The following IFT88 variants were observed in gnomAD, a reference collection of about 807,000 sequenced individuals.
IFT88 encodes intraflagellar transport protein 88 homolog.
A neutral mutation model predicts 119.5 loss-of-function variants in IFT88; 74 were observed. That is an observed-to-expected ratio of 0.62 (90% CI 0.51 to 0.75). The LOEUF is 0.75. Among genes scored for constraint, IFT88 ranks in the 30% least tolerant of loss-of-function variants. The pLI, the probability that IFT88 is intolerant of heterozygous loss-of-function variation, is 0.00. For synonymous variants in IFT88, 279 were observed against 316.7 expected, an observed-to-expected ratio of 0.88 and a Z score of 1.26; for missense variants, 961 against 977.7, an observed-to-expected ratio of 0.98 and a Z score of 0.23.
chr13:20,647,454 T>G (rs936868162), intron 20 of IFT88, among the ~76,000 whole-genome samples: 12 of 152,196 alleles, frequency 7.9e-5, no homozygotes, highest in Admixed American at 3.9e-4. Context: ...TATAGTTGAA[T>G]TAAATTAAAT....
At chr13:20,613,051 C>T (rs1184497993) in intron 13 of IFT88, among the ~76,000 whole-genome samples, 2 of 151,944 alleles carry the variant, frequency 1.3e-5, no homozygotes, top group African/African-American at 2.4e-5. Flanking sequence ...AGATATGACA[C>T]CAAAAGCACA....
chr13:20,671,610 T>G (rs1328023405), intron 24 of IFT88, among the ~76,000 whole-genome samples: 2 of 152,248 alleles, frequency 1.3e-5, no homozygotes, highest in Non-Finnish European at 2.9e-5. Context: ...CCTTGTGACA[T>G]CATTACATAA....
chr13:20,685,424 T>C (rs1452526464), intron 24 of IFT88, among the ~76,000 whole-genome samples: 1 of 152,194 alleles, frequency 6.6e-6, no homozygotes, highest in Non-Finnish European at 1.5e-5. Context: ...AACTAACCTA[T>C]AAAATTAGCA....
chr13:20,586,186 A>T (rs928429715), intron 3 of IFT88, among the ~76,000 whole-genome samples: 2 of 152,226 alleles, frequency 1.3e-5, no homozygotes, highest in Admixed American at 1.3e-4. Flanking sequence ...TGTAACTGGG[A>T]TAGTGTGTGG....
At chr13:20,675,646 C>T (rs2056570369) in intron 24 of IFT88, among the ~76,000 whole-genome samples, 1 of 152,212 alleles carries the variant, frequency 6.6e-6, no homozygotes, top group African/African-American at 2.4e-5. Flanking sequence ...CAAGTCTCAT[C>T]TACCGAGAAT....
chr13:20,581,645 T>C (rs1027314268), intron 2 of IFT88, among the ~76,000 whole-genome samples: 4 of 151,924 alleles, frequency 2.6e-5, no homozygotes, highest in African/African-American at 9.7e-5. Context: ...TCACTTGAGC[T>C]CAGTTTGAGA....
At chr13:20,582,610 G>A (rs1471241496) in intron 2 of IFT88, among the ~76,000 whole-genome samples, 1 of 152,160 alleles carries the variant, frequency 6.6e-6, no homozygotes, top group Admixed American at 6.5e-5. Context: ...AAAGAGAGAT[G>A]TAAATCTCCA....
intron 24 of IFT88, 68 bp from the exon 25 acceptor site, chr13:20,690,637 G>C (rs1487569234): frequency 9.9e-6 from 10 of 1,006,104 alleles, no homozygotes; most frequent in African/African-American, 1.6e-5. Context: ...TATGCTTTAA[G>C]ATGCATAATG....
At chr13:20,607,781 A>G in intron 13 of IFT88, 3 of 744,652 alleles carry the variant, frequency 4.0e-6, no homozygotes, top group Non-Finnish European at 5.1e-6. Context: ...AGCATCCTCA[A>G]CCTCGTCAGC....
chr13:20,683,608 G>C (rs1156945325), intron 24 of IFT88, among the ~76,000 whole-genome samples: 1 of 152,126 alleles, frequency 6.6e-6, no homozygotes. Context: ...GGGTTGAATT[G>C]GCCATGCGGA....
At chr13:20,666,946 T>A (rs1244247175) in intron 23 of IFT88, among the ~76,000 whole-genome samples, 2 of 152,346 alleles carry the variant, frequency 1.3e-5, no homozygotes, top group South Asian at 2.1e-4. Flanking sequence ...GGACTTTTTT[T>A]AAAACACAAA....
At chr13:20,672,286 A>C (rs922930020) in intron 24 of IFT88, among the ~76,000 whole-genome samples, 1 of 152,186 alleles carries the variant, frequency 6.6e-6, no homozygotes, top group Non-Finnish European at 1.5e-5. Context: ...CCCAAGAGTC[A>C]GTCCAGCGTC....
chr13:20,575,732 A>G (rs1159592899), intron 2 of IFT88, among the ~76,000 whole-genome samples: 1 of 152,174 alleles, frequency 6.6e-6, no homozygotes, highest in African/African-American at 2.4e-5. Context: ...TCTTTTCTTT[A>G]TAAATTACCC....
At chr13:20,627,624 G>A (rs1354283292) in intron 15 of IFT88, among the ~76,000 whole-genome samples, 1 of 151,034 alleles carries the variant, frequency 6.6e-6, no homozygotes, top group Admixed American at 6.6e-5. Context: ...CCAGCTACTC[G>A]GGAGGCTGAG....
At chr13:20,651,631 A>G (rs1387463035) in intron 20 of IFT88, among the ~76,000 whole-genome samples, 2 of 151,824 alleles carry the variant, frequency 1.3e-5, no homozygotes, top group East Asian at 1.9e-4. Context: ...GTAAAGTACA[A>G]TAAGACATTT....
At chr13:20,649,028 T>C (rs1171025514) in intron 20 of IFT88, among the ~76,000 whole-genome samples, 1 of 152,122 alleles carries the variant, frequency 6.6e-6, no homozygotes, top group African/African-American at 2.4e-5. Flanking sequence ...GAAGCAAAAA[T>C]TGATATAATT....
At chr13:20,597,771 T>TATATATATATATATA in intron 9 of IFT88, among the ~76,000 whole-genome samples, 1 of 142,034 alleles carries the variant, frequency 7.0e-6, no homozygotes, top group South Asian at 2.2e-4. Flanking sequence ...ATATATATAT[T>TATATATATATATATA]TTTTTTTTGA....
chr13:20,602,226 T>TTTG (rs1288499048), intron 12 of IFT88, among the ~76,000 whole-genome samples: 1 of 149,502 alleles, frequency 6.7e-6, no homozygotes, highest in Non-Finnish European at 1.5e-5. Flanking sequence ...TTTTTTTTTT[T>TTTG]GAGACAGAGA....
intron 24 of IFT88, among the ~76,000 whole-genome samples, chr13:20,680,660 A>G (rs753005585): frequency 6.6e-6 from 1 of 152,068 alleles, no homozygotes; most frequent in Non-Finnish European, 1.5e-5. Context: ...GCTCGCCAGC[A>G]CTTGTGTCTT....
Sources: gnomAD v4.1 joint callset for allele counts (sites outside exome capture counted in the v4.1 genomes callset) on GRCh38, gnomAD v4.1.1 for gene constraint, MANE v1.5 for transcripts, NCBI Gene and HGNC (gene_info 2026-07-23, HGNC 2026-07-21) for gene names.